Variants in CACNA2D3 observed in about 807,000 individuals in gnomAD.
CACNA2D3 encodes calcium voltage-gated channel auxiliary subunit alpha2delta 3.
Under a neutral mutation model 160.6 loss-of-function variants are expected in CACNA2D3, and 60 were observed. The ratio of observed to expected loss-of-function variants is 0.37; its 90% confidence interval spans 0.30 to 0.46. The LOEUF is 0.46. Ranked by LOEUF, CACNA2D3 falls within the 20% of genes least tolerant of loss-of-function variation. The pLI is 1.00. For synonymous variants in CACNA2D3, 558 were observed against 492.9 expected (o/e 1.13, Z -1.75); for missense variants, 1,205 against 1,365.0 (o/e 0.88, Z 1.85).
At chr3:54,353,722 G>A (rs1023976247) in intron 3 of CACNA2D3, among the ~76,000 whole-genome samples, 1 of 152,144 alleles carries the variant, frequency 6.6e-6, no homozygotes, top group Non-Finnish European at 1.5e-5. Flanking sequence ...AGGGAAGGCA[G>A]TAGATTAGGG....
At chr3:54,151,414 G>T (rs980918964) in intron 2 of CACNA2D3, among the ~76,000 whole-genome samples, 1 of 152,056 alleles carries the variant, frequency 6.6e-6, no homozygotes, top group South Asian at 2.1e-4. Flanking sequence ...GGGATGGATA[G>T]TTGGGGGAGG....
At chr3:54,736,087 G>GTATATATATATACATACATATATGTA (rs1559563720) in intron 11 of CACNA2D3, among the ~76,000 whole-genome samples, 1 of 20,240 alleles carries the variant, frequency 4.9e-5, no homozygotes, top group Non-Finnish European at 1.3e-4. Flanking sequence ...ATATATGTAT[G>GTATATATATATACATACATATATGTA]TGTATATATA....
intron 13 of CACNA2D3, among the ~76,000 whole-genome samples, chr3:54,804,110 T>C (rs538071717): frequency 0.018 from 2,789 of 151,708 alleles, 98 homozygotes; most frequent in African/African-American, 0.064. Flanking sequence ...CATGCCAAAA[T>C]GTAAAGACCA....
intron 13 of CACNA2D3, among the ~76,000 whole-genome samples, chr3:54,765,038 T>C (rs983070842): frequency 1.3e-5 from 2 of 152,190 alleles, no homozygotes; most frequent in Non-Finnish European, 2.9e-5. Flanking sequence ...AGTGGTGTTT[T>C]TCATTTATTG....
chr3:54,676,204 G>T (rs1005671062), intron 11 of CACNA2D3, among the ~76,000 whole-genome samples: 1 of 152,108 alleles, frequency 6.6e-6, no homozygotes, highest in Non-Finnish European at 1.5e-5. Context: ...ATAAATCTTA[G>T]CCCCTTTCCT....
chr3:54,759,831 G>T (rs1202691421), intron 12 of CACNA2D3, among the ~76,000 whole-genome samples: 1 of 152,170 alleles, frequency 6.6e-6, no homozygotes, highest in Non-Finnish European at 1.5e-5. Flanking sequence ...AGCGAAAGAG[G>T]CAGTGTCTTC....
chr3:54,695,499 T>A (rs1282442156), intron 11 of CACNA2D3, among the ~76,000 whole-genome samples: 1 of 152,138 alleles, frequency 6.6e-6, no homozygotes, highest in African/African-American at 2.4e-5. Flanking sequence ...TTTAAAGCTA[T>A]GGATACCTGT....
At chr3:54,298,267 C>T (rs1342713933) in intron 2 of CACNA2D3, among the ~76,000 whole-genome samples, 1 of 152,164 alleles carries the variant, frequency 6.6e-6, no homozygotes, top group African/African-American at 2.4e-5. Flanking sequence ...CCAGTGGTGG[C>T]AAAATAATGT....
chr3:54,657,948 G>A (rs1324976849), intron 11 of CACNA2D3, among the ~76,000 whole-genome samples: 1 of 152,216 alleles, frequency 6.6e-6, no homozygotes. Context: ...AGACTGGGAG[G>A]TGGAAGTTGC....
intron 27 of CACNA2D3, among the ~76,000 whole-genome samples, chr3:54,904,740 C>T (rs749930048): frequency 2.0e-5 from 3 of 152,258 alleles, no homozygotes; most frequent in South Asian, 2.1e-4. Context: ...TCAAGGAAGA[C>T]GGGCTTCATT....
intron 13 of CACNA2D3, among the ~76,000 whole-genome samples, chr3:54,779,854 C>T (rs1702498535): frequency 6.6e-6 from 1 of 152,176 alleles, no homozygotes; most frequent in African/African-American, 2.4e-5. Flanking sequence ...TTTGACTTTT[C>T]CCTCTCTTTT....
At chr3:54,533,579 C>T (rs954880321) in intron 5 of CACNA2D3, among the ~76,000 whole-genome samples, 1 of 152,122 alleles carries the variant, frequency 6.6e-6, no homozygotes, top group Non-Finnish European at 1.5e-5. Flanking sequence ...AGGTGATCTG[C>T]CTGCCTCAGC....
At chr3:54,700,701 A>G (rs1427531415) in intron 11 of CACNA2D3, among the ~76,000 whole-genome samples, 3 of 152,242 alleles carry the variant, frequency 2.0e-5, no homozygotes, top group African/African-American at 7.2e-5. Flanking sequence ...TAGTTATACT[A>G]TAGGAATATT....
intron 27 of CACNA2D3, chr3:54,925,187 A>T (rs370974347): frequency 1.2e-6 from 2 of 1,613,100 alleles, no homozygotes; most frequent in East Asian, 4.5e-5. Flanking sequence ...GGAGCAGGAC[A>T]ATCACACTGG....
chr3:54,889,230 C>T (rs1398761851), intron 24 of CACNA2D3, among the ~76,000 whole-genome samples: 8 of 152,172 alleles, frequency 5.3e-5, no homozygotes, highest in Non-Finnish European at 1.0e-4. Context: ...GGATTTTATA[C>T]TCAGAGCAGT....
chr3:54,299,336 G>T (rs1388082110), intron 2 of CACNA2D3, among the ~76,000 whole-genome samples: 1 of 152,140 alleles, frequency 6.6e-6, no homozygotes, highest in Non-Finnish European at 1.5e-5. Context: ...GCTCCTCAGA[G>T]AGTCCCAGTC....
At chr3:55,069,507 A>G (rs1704751189) in intron 35 of CACNA2D3, among the ~76,000 whole-genome samples, 1 of 152,134 alleles carries the variant, frequency 6.6e-6, no homozygotes, top group African/African-American at 2.4e-5. Flanking sequence ...GATACTATCA[A>G]TGGTTCTTTA....
intron 2 of CACNA2D3, among the ~76,000 whole-genome samples, chr3:54,146,188 C>T (rs1213664937): frequency 6.6e-6 from 1 of 152,192 alleles, no homozygotes; most frequent in Non-Finnish European, 1.5e-5. Flanking sequence ...AACCCTAGCC[C>T]TAAGCCCTGT....
chr3:54,668,127 A>T (rs538897566), intron 11 of CACNA2D3, among the ~76,000 whole-genome samples: 1 of 152,274 alleles, frequency 6.6e-6, no homozygotes, highest in Non-Finnish European at 1.5e-5. Flanking sequence ...AGGCCTTGGG[A>T]TACAAGACTA....
Sources: allele counts gnomAD v4.1 joint callset (sites outside exome capture counted in the v4.1 genomes callset), GRCh38; gene constraint gnomAD v4.1.1; transcripts MANE v1.5; gene names NCBI Gene and HGNC (gene_info 2026-07-23, HGNC 2026-07-21).